The following PABPC4L variants were observed in gnomAD, a reference collection of about 807,000 sequenced individuals.
The protein encoded by PABPC4L is poly(A) binding protein cytoplasmic 4 like.
For synonymous variants in PABPC4L, 169 were observed against 164.1 expected (o/e 1.03, Z -0.23); for missense variants, 452 against 451.4 (o/e 1.00, Z -0.01).
Position 134,198,550 on chromosome 4 carries a change from C to T in PABPC4L, c.*1357G>A, listed in dbSNP as rs898349946. The stretch of plus-strand genomic sequence containing the variant: ...TAATAGTTATGAGAAAAAACTAAGC[C>T]AAGTAAAAATATGAAAACAGTAAAA... On this transcript the variant is annotated 3_prime_UTR_variant, in exon 2 of 2. Transcript: ENST00000421491. 5 of 151,444 alleles carry T rather than the reference C, an allele frequency of 3.3e-5. No homozygotes were observed. The highest frequency in any genetic ancestry group is 1.2e-4 in the African/African-American group (5 of 41,388). The allele number at this position is 151,444 out of a possible 1,614,324, so 9.4% of individuals were successfully genotyped here.
chr4:133,962,518 A>C, the PABPC4L span, among the ~76,000 whole-genome samples: 4 of 152,232 alleles, frequency 2.6e-5, no homozygotes, highest in Non-Finnish European at 5.9e-5. Flanking sequence ...AGAATTCAAC[A>C]AGTAGAAAAA....
chr4:134,072,693 G>A, the PABPC4L span, among the ~76,000 whole-genome samples: 1 of 152,038 alleles, frequency 6.6e-6, no homozygotes, highest in Non-Finnish European at 1.5e-5. Flanking sequence ...CCCAAGACTG[G>A]GTAATTTATA....
chr4:134,010,016 A>C, the PABPC4L span, among the ~76,000 whole-genome samples: 1 of 152,066 alleles, frequency 6.6e-6, no homozygotes, highest in Non-Finnish European at 1.5e-5. Flanking sequence ...GACAGTTCTG[A>C]TAAGTGGTCA....
chr4:134,111,683 A>C, the PABPC4L span, among the ~76,000 whole-genome samples: 2 of 151,930 alleles, frequency 1.3e-5, no homozygotes, highest in Admixed American at 1.3e-4. Flanking sequence ...GATCGTTAAT[A>C]AGTCTCATGA....
the PABPC4L span, among the ~76,000 whole-genome samples, chr4:133,960,794 C>A: frequency 6.6e-6 from 1 of 152,018 alleles, no homozygotes; most frequent in Admixed American, 6.6e-5. Context: ...CTGTGGCTTC[C>A]TCCCACTTCC....
the PABPC4L span, among the ~76,000 whole-genome samples, chr4:133,973,320 A>G: frequency 6.6e-6 from 1 of 152,084 alleles, no homozygotes; most frequent in Non-Finnish European, 1.5e-5. Context: ...CTGAATGGCA[A>G]AGAAAGGACT....
chr4:133,983,955 A>G, the PABPC4L span, among the ~76,000 whole-genome samples: 1 of 151,896 alleles, frequency 6.6e-6, no homozygotes, highest in African/African-American at 2.4e-5. Context: ...TATTTTGTAT[A>G]GTCTTTCACA....
At chr4:133,975,185 T>C in the PABPC4L span, among the ~76,000 whole-genome samples, 1 of 152,116 alleles carries the variant, frequency 6.6e-6, no homozygotes, top group Non-Finnish European at 1.5e-5. Context: ...AAGGTACAAA[T>C]ATATATCACA....
At chr4:134,151,186 C>T in the PABPC4L span, among the ~76,000 whole-genome samples, 1 of 152,048 alleles carries the variant, frequency 6.6e-6, no homozygotes, top group Non-Finnish European at 1.5e-5. Context: ...CAGGCAATCC[C>T]TTGTTCTTGA....
chr4:133,977,673 A>G, the PABPC4L span, among the ~76,000 whole-genome samples: 1 of 152,092 alleles, frequency 6.6e-6, no homozygotes, highest in Admixed American at 6.6e-5. Flanking sequence ...TTGGATACAC[A>G]TATATTTACA....
At chr4:134,025,924 C>A in the PABPC4L span, among the ~76,000 whole-genome samples, 1 of 151,978 alleles carries the variant, frequency 6.6e-6, no homozygotes, top group Non-Finnish European at 1.5e-5. Flanking sequence ...ATTTCAGAAC[C>A]AAGGAAGGGA....
chr4:134,086,530 A>G, the PABPC4L span, among the ~76,000 whole-genome samples: 76,589 of 151,736 alleles, frequency 0.5, 20,503 homozygotes, highest in East Asian at 0.94. Flanking sequence ...TTTTATCAAA[A>G]GAAGTGGAAC....
At chr4:134,060,879 A>T in the PABPC4L span, among the ~76,000 whole-genome samples, 1 of 152,010 alleles carries the variant, frequency 6.6e-6, no homozygotes, top group African/African-American at 2.4e-5. Flanking sequence ...AAACAATTGA[A>T]CTCATGAAGA....
chr4:134,159,245 G>A, the PABPC4L span, among the ~76,000 whole-genome samples: 1 of 152,054 alleles, frequency 6.6e-6, no homozygotes, highest in Non-Finnish European at 1.5e-5. Flanking sequence ...AATTCTACAG[G>A]AGAAGCAGAG....
the PABPC4L span, among the ~76,000 whole-genome samples, chr4:134,123,823 A>G: frequency 6.6e-6 from 1 of 152,058 alleles, no homozygotes; most frequent in African/African-American, 2.4e-5. Context: ...TCTTAAAAAA[A>G]AAAAGAAACT....
the PABPC4L span, among the ~76,000 whole-genome samples, chr4:134,119,700 C>T: frequency 6.6e-6 from 1 of 151,570 alleles, no homozygotes; most frequent in Non-Finnish European, 1.5e-5. Context: ...ACCAAGTACC[C>T]AGAAACAACC....
At chr4:134,007,455 T>C in the PABPC4L span, among the ~76,000 whole-genome samples, 1 of 151,728 alleles carries the variant, frequency 6.6e-6, no homozygotes, top group African/African-American at 2.4e-5. Context: ...AATCACCTTA[T>C]TGTCAGGTAT....
At chr4:134,154,703 G>T in the PABPC4L span, among the ~76,000 whole-genome samples, 11 of 151,886 alleles carry the variant, frequency 7.2e-5, no homozygotes, top group East Asian at 1.5e-3. Flanking sequence ...ATATATAAAA[G>T]AAACCTTGCT....
At chr4:133,989,338 A>G in the PABPC4L span, among the ~76,000 whole-genome samples, 2 of 152,142 alleles carry the variant, frequency 1.3e-5, no homozygotes, top group Non-Finnish European at 2.9e-5. Flanking sequence ...AGGCTTTGCA[A>G]CTTAGAAATT....
Sources: allele counts gnomAD v4.1 joint callset (sites outside exome capture counted in the v4.1 genomes callset), GRCh38; gene constraint gnomAD v4.1.1; transcripts MANE v1.5; gene names NCBI Gene and HGNC (gene_info 2026-07-23, HGNC 2026-07-21).